The following TOX variants were observed in gnomAD, a reference collection of about 807,000 sequenced individuals.
TOX encodes the protein thymocyte selection associated high mobility group box.
A neutral mutation model predicts 53.7 loss-of-function variants in TOX; 11 were observed. The ratio of observed to expected loss-of-function variants is 0.20; its 90% CI spans 0.13 to 0.34. The LOEUF is 0.34. Ranked by LOEUF, TOX falls within the 10% of genes least tolerant of loss-of-function variation. The pLI, the probability that TOX is intolerant of heterozygous loss-of-function variation, is 1.00. For missense variants in TOX, 570 were observed against 664.6 expected (o/e 0.86, Z 1.56); for synonymous variants, 225 against 245.3 (o/e 0.92, Z 0.77).
intron 2 of TOX, among the ~76,000 whole-genome samples, chr8:58,946,800 A>G (rs960203809): frequency 6.6e-6 from 1 of 152,196 alleles, no homozygotes; most frequent in African/African-American, 2.4e-5. Context: ...GCATCCTGCA[A>G]AGAGTGATCT....
chr8:59,028,430 A>C (rs1353464884), intron 1 of TOX, among the ~76,000 whole-genome samples: 1 of 152,182 alleles, frequency 6.6e-6, no homozygotes, highest in Non-Finnish European at 1.5e-5. Flanking sequence ...GACATCAAAA[A>C]TGAATTGTTT....
intron 3 of TOX, among the ~76,000 whole-genome samples, chr8:58,905,003 G>A (rs1470958526): frequency 1.3e-5 from 2 of 152,148 alleles, no homozygotes; most frequent in Non-Finnish European, 2.9e-5. Flanking sequence ...TACGATCTTG[G>A]CTCACTGCAA....
intron 1 of TOX, among the ~76,000 whole-genome samples, chr8:59,079,270 A>T (rs891668372): frequency 6.6e-6 from 1 of 152,222 alleles, no homozygotes; most frequent in Non-Finnish European, 1.5e-5. Flanking sequence ...AAATATAGCA[A>T]AATTGGCAAA....
intron 1 of TOX, among the ~76,000 whole-genome samples, chr8:59,027,883 A>G (rs1156377469): frequency 3.3e-5 from 5 of 152,168 alleles, no homozygotes; most frequent in African/African-American, 4.8e-5. Context: ...ACTGCTCTTC[A>G]TTCACATGGT....
intron 5 of TOX, 65 bp downstream of exon 5, chr8:58,838,016 G>A (rs2129166915): frequency 6.8e-7 from 1 of 1,474,476 alleles, no homozygotes; most frequent in Non-Finnish European, 9.4e-7. Context: ...AGCCCTGGGA[G>A]GCCATTTCTT....
At chr8:58,922,083 CA>C (rs1275744470) in intron 3 of TOX, among the ~76,000 whole-genome samples, 2 of 152,176 alleles carry the variant, frequency 1.3e-5, no homozygotes, top group Non-Finnish European at 2.9e-5. Context: ...GAGCTGAGAA[CA>C]ATAGCTGTTC....
At chr8:58,849,451 T>C (rs765645945) in intron 4 of TOX, among the ~76,000 whole-genome samples, 20 of 152,176 alleles carry the variant, frequency 1.3e-4, no homozygotes, top group Non-Finnish European at 2.6e-4. Flanking sequence ...TATTGAATGA[T>C]TGAATAGGAT....
At chr8:58,829,171 G>A (rs552390386) in intron 5 of TOX, among the ~76,000 whole-genome samples, 3 of 152,142 alleles carry the variant, frequency 2.0e-5, no homozygotes, top group East Asian at 1.9e-4. Flanking sequence ...GTGTGACTAC[G>A]ATGCTATCCC....
chr8:59,116,398 C>G (rs1805099018), intron 1 of TOX, among the ~76,000 whole-genome samples: 1 of 152,218 alleles, frequency 6.6e-6, no homozygotes, highest in Non-Finnish European at 1.5e-5. Context: ...TTCACCTTTT[C>G]CAAACTTCTG....
chr8:59,008,550 C>A (rs766910333), intron 1 of TOX, among the ~76,000 whole-genome samples: 6 of 150,006 alleles, frequency 4.0e-5, no homozygotes, highest in Non-Finnish European at 3.0e-5. Flanking sequence ...TAAGCCATCA[C>A]CTGAGAGTGG....
chr8:59,118,525 C>G lies in TOX; in HGVS notation c.102+361G>C, dbSNP rs531212960. ...GGGGAACTGGGAAATAAACTGAATTCTCTTACTCTGCCTCCGTTCCTGGAC... is the reference window on the plus strand; with the variant it reads ...GGGGAACTGGGAAATAAACTGAATTGTCTTACTCTGCCTCCGTTCCTGGAC... On this transcript the variant is annotated intron_variant, in intron 1 of 8. Transcript: ENST00000361421. This position sits in a 1 kb window ranked among gnomAD's most constrained non-coding sequence, Gnocchi z 4.1. Among the ~76,000 whole-genome samples, 1 of 152,130 alleles carries G rather than the reference C, an allele frequency of 6.6e-6. No individual in the cohort carries two copies. Among genetic ancestry groups the G allele is most frequent in the Non-Finnish European group, 1.5e-5 (1 of 68,024 alleles).
chr8:58,901,672 A>T (rs1366269685), intron 3 of TOX, among the ~76,000 whole-genome samples: 2 of 152,182 alleles, frequency 1.3e-5, no homozygotes, highest in African/African-American at 4.8e-5. Context: ...ATAAATCTAA[A>T]GAAAGAAAGA....
At chr8:59,022,378 T>C (rs1477578395) in intron 1 of TOX, among the ~76,000 whole-genome samples, 1 of 152,202 alleles carries the variant, frequency 6.6e-6, no homozygotes. Flanking sequence ...GAGAGCTTTA[T>C]GTACACTGTC....
intron 3 of TOX, among the ~76,000 whole-genome samples, chr8:58,919,237 C>T (rs1161318303): frequency 0.013 from 1,676 of 131,176 alleles, 39 homozygotes; most frequent in African/African-American, 0.047. Flanking sequence ...AAAAAGAGCC[C>T]GCATCGCCAA....
chr8:58,816,255 A>G (rs1368065482), intron 6 of TOX, among the ~76,000 whole-genome samples: 2 of 152,242 alleles, frequency 1.3e-5, no homozygotes, highest in African/African-American at 2.4e-5. Context: ...TACCTTTCTG[A>G]AGTCATATAA....
chr8:59,076,159 T>C (rs1804289764), intron 1 of TOX, among the ~76,000 whole-genome samples: 1 of 152,016 alleles, frequency 6.6e-6, no homozygotes, highest in Non-Finnish European at 1.5e-5. Flanking sequence ...GAGAATCCAG[T>C]GAGGATACAA....
chr8:58,831,434 A>G (rs1339258970), intron 5 of TOX, among the ~76,000 whole-genome samples: 2 of 152,222 alleles, frequency 1.3e-5, no homozygotes, highest in Non-Finnish European at 2.9e-5. Flanking sequence ...CACTCTATAT[A>G]TTACCTCTAA....
At chr8:58,897,811 T>G (rs111316589) in intron 3 of TOX, among the ~76,000 whole-genome samples, 3,387 of 152,144 alleles carry the variant, frequency 0.022, 136 homozygotes, top group African/African-American at 0.076. Flanking sequence ...ACCTTGGATA[T>G]TTCTACATTT....
chr8:58,813,519 C>T (rs1267136925), intron 7 of TOX, among the ~76,000 whole-genome samples: 1 of 152,190 alleles, frequency 6.6e-6, no homozygotes, highest in African/African-American at 2.4e-5. Context: ...ACAAACACTA[C>T]TGGTTCATTA....
Sources: allele counts gnomAD v4.1 joint callset (sites outside exome capture counted in the v4.1 genomes callset), GRCh38; gene constraint gnomAD v4.1.1; non-coding constraint Gnocchi (gnomAD v3.1); transcripts MANE v1.5; gene names NCBI Gene and HGNC (gene_info 2026-07-23, HGNC 2026-07-21).